SLC2A13: variants seen among roughly 807,000 people sequenced by gnomAD.
SLC2A13 encodes proton myo-inositol cotransporter.
A neutral mutation model predicts 64.4 loss-of-function variants in SLC2A13; 32 were observed. The ratio of observed to expected loss-of-function variants is 0.50; its 90% confidence interval spans 0.37 to 0.67. The LOEUF (loss-of-function observed/expected upper bound fraction) is 0.67. SLC2A13 is among the 30% of genes least tolerant of loss of function. The probability of loss-of-function intolerance (pLI) is 0.00; values close to 1 mark genes in which losing one functional copy is unlikely to be tolerated. For synonymous variants in SLC2A13, 338 were observed against 327.1 expected (o/e 1.03, Z -0.36); for missense variants, 743 against 829.2 (o/e 0.90, Z 1.28).
chr12:39,825,167 T>C (rs891317900), intron 7 of SLC2A13, among the ~76,000 whole-genome samples: 1 of 152,206 alleles, frequency 6.6e-6, no homozygotes, highest in African/African-American at 2.4e-5. Context: ...AAACAAATAC[T>C]GAATCAGCGC....
chr12:40,003,859 G>T (rs1947361397), intron 3 of SLC2A13, among the ~76,000 whole-genome samples: 1 of 151,928 alleles, frequency 6.6e-6, no homozygotes, highest in Admixed American at 6.5e-5. Context: ...TGGGCGTGGT[G>T]ACGGGCGCCG....
Position 39,993,152 on chromosome 12 carries a change from C to T in SLC2A13, c.925+35149G>A, listed in dbSNP as rs537662133. 5.0e-4 allele frequency among the ~76,000 whole-genome samples: 76 copies of T among 152,234 alleles called. No individual in the cohort carries two copies. The South Asian group carries it at 0.014, about 29-fold the overall frequency. ...TAATATTGTAATAAAGATTTTAATT[C>T]TCAAATATAAAACGTTTTATTTCAT... On this transcript the variant is annotated intron_variant, in intron 3 of 9. Transcript: ENST00000280871.
chr12:39,964,604 C>T (rs1178052687), intron 3 of SLC2A13, among the ~76,000 whole-genome samples: 2 of 152,120 alleles, frequency 1.3e-5, no homozygotes, highest in East Asian at 3.8e-4. Flanking sequence ...TTTACCATGT[C>T]GGGAACATAA....
At chr12:39,764,349 T>TA in intron 9 of SLC2A13, 111 bp downstream of exon 9, 1 of 1,032,900 alleles carries the variant, frequency 9.7e-7, no homozygotes, top group African/African-American at 1.6e-5. Context: ...TGGAGATACT[T>TA]ATAACAGCAA....
intron 4 of SLC2A13, among the ~76,000 whole-genome samples, chr12:39,914,619 C>A (rs1945491089): frequency 6.6e-6 from 1 of 151,694 alleles, no homozygotes; most frequent in Admixed American, 6.6e-5. Flanking sequence ...GTGGTTTTTG[C>A]CACTAAAAGT....
chr12:40,104,626 G>A (rs544152193), intron 1 of SLC2A13, among the ~76,000 whole-genome samples: 45 of 152,154 alleles, frequency 3.0e-4, no homozygotes, highest in Non-Finnish European at 5.9e-4. Context: ...GAGGAGAATG[G>A]AATTTACTTG....
intron 3 of SLC2A13, among the ~76,000 whole-genome samples, chr12:39,952,210 C>T (rs1946243853): frequency 6.6e-6 from 1 of 152,206 alleles, no homozygotes; most frequent in Admixed American, 6.5e-5. Flanking sequence ...GCCCTTCCAG[C>T]CTCATAAGTG....
At chr12:40,048,345 T>C in intron 1 of SLC2A13, 135 bp from the exon 2 acceptor site, 1 of 811,110 alleles carries the variant, frequency 1.2e-6, no homozygotes. Flanking sequence ...TTACCACATA[T>C]TTAAGATTTT....
At chr12:40,056,153 C>A (rs1948330545) in intron 1 of SLC2A13, among the ~76,000 whole-genome samples, 2 of 151,590 alleles carry the variant, frequency 1.3e-5, no homozygotes, top group Admixed American at 6.6e-5. Context: ...TGTAACCATT[C>A]CCTTCTTATT....
chr12:39,811,623 A>T (rs748686818), intron 7 of SLC2A13, among the ~76,000 whole-genome samples: 7 of 151,848 alleles, frequency 4.6e-5, no homozygotes, highest in East Asian at 1.9e-4. Context: ...TTTTGTGAAA[A>T]TTTTTTTTAC....
At chr12:39,860,996 T>C (rs139911363) in intron 6 of SLC2A13, among the ~76,000 whole-genome samples, 1 of 152,340 alleles carries the variant, frequency 6.6e-6, no homozygotes, top group East Asian at 1.9e-4. Context: ...CTCTACATGA[T>C]TTGGCTCTGA....
chr12:39,951,329 G>T lies in SLC2A13; in HGVS notation c.962C>A (p.Pro321Gln), dbSNP rs758444290. The T allele has an allele frequency of 1.3e-5, 21 of 1,610,826 alleles. No homozygotes were observed. Among genetic ancestry groups the T allele is most frequent in the Non-Finnish European group, 1.8e-5 (21 of 1,178,310 alleles). Reference sequence around the variant, plus strand: ...ACCCACAATTAAAGCTCGGCGAGTTGGGGGATAACTCAGCATTCTGCAGAT... The same window carrying T: ...ACCCACAATTAAAGCTCGGCGAGTTTGGGGATAACTCAGCATTCTGCAGAT... ...PVICRMLSYPPTRRALIVGCG... is the reference protein window; with the variant it reads ...PVICRMLSYPQTRRALIVGCG... The change falls in exon 4 of 10, where the codon CCA becomes CAA. Residue 321 changes from proline (P) to glutamine (Q), a missense_variant. By Grantham distance (76) the Pro-to-Gln change is moderately conservative. Coordinates refer to ENST00000280871, the MANE Select transcript of SLC2A13 (RefSeq NM_052885.4).
intron 6 of SLC2A13, among the ~76,000 whole-genome samples, chr12:39,862,637 C>G (rs540148521): frequency 2.0e-5 from 3 of 152,192 alleles, no homozygotes; most frequent in Non-Finnish European, 2.9e-5. Context: ...GTGAACTTCA[C>G]TCATCTTAAG....
intron 4 of SLC2A13, among the ~76,000 whole-genome samples, chr12:39,902,280 T>C (rs1049607330): frequency 1.3e-5 from 2 of 151,788 alleles, no homozygotes; most frequent in Non-Finnish European, 1.5e-5. Flanking sequence ...GCATGGCACA[T>C]GTATACATAT....
At chr12:39,881,177 G>A (rs922409527) in intron 4 of SLC2A13, among the ~76,000 whole-genome samples, 1 of 152,216 alleles carries the variant, frequency 6.6e-6, no homozygotes, top group Admixed American at 6.5e-5. Context: ...TTTAAAAGTT[G>A]TGTGGGTAAC....
At chr12:39,969,703 C>A (rs981361158) in intron 3 of SLC2A13, among the ~76,000 whole-genome samples, 12 of 152,108 alleles carry the variant, frequency 7.9e-5, no homozygotes, top group Non-Finnish European at 1.5e-4. Flanking sequence ...GATATTAGCC[C>A]TTTGTCAGAT....
intron 1 of SLC2A13, among the ~76,000 whole-genome samples, chr12:40,074,609 A>C (rs979913547): frequency 6.6e-6 from 1 of 152,132 alleles, no homozygotes; most frequent in Admixed American, 6.6e-5. Flanking sequence ...TATTATTCAT[A>C]GTTGTTTTCA....
chr12:40,055,959 A>G (rs1280936499), intron 1 of SLC2A13, among the ~76,000 whole-genome samples: 2 of 151,544 alleles, frequency 1.3e-5, no homozygotes, highest in African/African-American at 4.8e-5. Flanking sequence ...CAACTAAGGT[A>G]CAACACACTC....
intron 1 of SLC2A13, among the ~76,000 whole-genome samples, chr12:40,059,998 A>G (rs1243605848): frequency 6.6e-6 from 1 of 152,128 alleles, no homozygotes; most frequent in East Asian, 1.9e-4. Context: ...AAGGGCCCCA[A>G]TATTATTTTA....
Sources: allele counts gnomAD v4.1 joint callset (sites outside exome capture counted in the v4.1 genomes callset), GRCh38; gene constraint gnomAD v4.1.1; transcripts MANE v1.5; gene names NCBI Gene and HGNC (gene_info 2026-07-23, HGNC 2026-07-21).